ATAD2B: variants seen among roughly 807,000 people sequenced by gnomAD.
ATAD2B encodes ATPase family AAA domain containing 2B.
Under a neutral mutation model 167.6 loss-of-function variants are expected in ATAD2B, and 40 were observed. The ratio of observed to expected loss-of-function variants is 0.24; its 90% CI spans 0.19 to 0.31. The LOEUF (loss-of-function observed/expected upper bound fraction) is 0.31. Among genes scored for constraint, ATAD2B ranks in the 10% least tolerant of loss-of-function variants. ATAD2B has a pLI of 1.00. For synonymous variants in ATAD2B, 579 were observed against 596.5 expected, an observed-to-expected ratio of 0.97 and a Z score of 0.43; for missense variants, 1,242 against 1,757.2, an observed-to-expected ratio of 0.71 and a Z score of 5.24.
intron 14 of ATAD2B, among the ~76,000 whole-genome samples, 200 bp from the exon 15 acceptor site, chr2:23,829,139 A>G (rs1688669975): frequency 2.0e-5 from 2 of 101,438 alleles, no homozygotes; most frequent in South Asian, 8.3e-4. Context: ...GGAGATATGT[A>G]GTAGAGATCT....
intron 13 of ATAD2B, among the ~76,000 whole-genome samples, chr2:23,847,975 A>G (rs1480046541): frequency 2.0e-5 from 3 of 149,862 alleles, no homozygotes; most frequent in African/African-American, 7.4e-5. Flanking sequence ...CCTGGGCAAC[A>G]GAGTGAGACT....
chr2:23,694,544 G>T, the ATAD2B span, among the ~76,000 whole-genome samples: 1 of 152,338 alleles, frequency 6.6e-6, no homozygotes, highest in South Asian at 2.1e-4. Flanking sequence ...CGACTCCACA[G>T]GGGAAACTGT....
At chr2:23,761,963 G>C (rs1676797331) in intron 24 of ATAD2B, among the ~76,000 whole-genome samples, 1 of 152,046 alleles carries the variant, frequency 6.6e-6, no homozygotes, top group Admixed American at 6.6e-5. Flanking sequence ...GTTTAAAACT[G>C]AAAATATTCA....
At chr2:23,918,682 G>A (rs563333979) in intron 1 of ATAD2B, among the ~76,000 whole-genome samples, 18 of 152,178 alleles carry the variant, frequency 1.2e-4, no homozygotes, top group African/African-American at 4.3e-4. Flanking sequence ...TAAACAGTAG[G>A]TATACTTACA....
chr2:23,727,426 C>A, the ATAD2B span, among the ~76,000 whole-genome samples: 12 of 152,206 alleles, frequency 7.9e-5, no homozygotes, highest in African/African-American at 2.9e-4. Flanking sequence ...GCACTAACTG[C>A]TGACAAACTG....
At chr2:23,826,199 C>G (rs1317013635) in intron 15 of ATAD2B, among the ~76,000 whole-genome samples, 2 of 152,078 alleles carry the variant, frequency 1.3e-5, no homozygotes, top group East Asian at 3.9e-4. Flanking sequence ...AGAAGTGACT[C>G]TGATACACAC....
chr2:23,902,786 C>T (rs1700990359), intron 1 of ATAD2B, among the ~76,000 whole-genome samples: 1 of 152,092 alleles, frequency 6.6e-6, no homozygotes, highest in African/African-American at 2.4e-5. Flanking sequence ...CTACTTGAGG[C>T]CAAGCACAGT....
chr2:23,712,294 A>C, the ATAD2B span, among the ~76,000 whole-genome samples: 1 of 152,250 alleles, frequency 6.6e-6, no homozygotes, highest in East Asian at 1.9e-4. Context: ...AATGGGATAG[A>C]CATTCAGCTC....
the ATAD2B span, among the ~76,000 whole-genome samples, chr2:23,741,314 T>C: frequency 6.6e-6 from 1 of 152,164 alleles, no homozygotes; most frequent in Admixed American, 6.5e-5. Flanking sequence ...ACTACAAGGC[T>C]ACAGGAACCA....
At chr2:23,726,364 T>C in the ATAD2B span, among the ~76,000 whole-genome samples, 1 of 152,186 alleles carries the variant, frequency 6.6e-6, no homozygotes, top group Non-Finnish European at 1.5e-5. Context: ...ACATAAACAG[T>C]TGATTAATAT....
At chr2:23,926,408 G>GC (rs918181396) in intron 1 of ATAD2B, 147 bp downstream of exon 1, 1 of 1,381,286 alleles carries the variant, frequency 7.2e-7, no homozygotes, top group African/African-American at 1.5e-5. Flanking sequence ...TTCTCTGGGT[G>GC]CCACCCTCCA....
At position 23,754,701 on chromosome 2, in the gene ATAD2B, T is replaced by G; in HGVS notation, c.4152A>C (p.Pro1384=). The change falls in exon 26 of 28, where the codon CCA becomes CCC. Residue 1384 remains proline (P), a synonymous_variant. Coordinates refer to ENST00000238789, the MANE Select transcript of ATAD2B (RefSeq NM_017552.4). ...GAGGCACAGGCTCAGATGGCTCTTCTGGAACCAGTTCCAGGCTTGTCGTTT... is the reference window on the plus strand; with the variant it reads ...GAGGCACAGGCTCAGATGGCTCTTCGGGAACCAGTTCCAGGCTTGTCGTTT... ...QAKTTSLELV[P]EEPSEPVPPL... 6.2e-7 allele frequency: 1 copy of G among 1,613,264 alleles called. No homozygotes were observed. The highest frequency in any genetic ancestry group is 2.2e-5 in the East Asian group (1 of 44,852).
At chr2:23,765,411 A>G in intron 23 of ATAD2B, 95 bp downstream of exon 23, 1 of 1,035,940 alleles carries the variant, frequency 9.7e-7, no homozygotes, top group Non-Finnish European at 1.3e-6. Flanking sequence ...CATTACTTTC[A>G]TAATACCAGC....
chr2:23,706,642 A>G, the ATAD2B span: 1 of 1,531,966 alleles, frequency 6.5e-7, no homozygotes, highest in Non-Finnish European at 8.7e-7. Flanking sequence ...GTCGTGATAA[A>G]GAAATATATT....
the ATAD2B span, among the ~76,000 whole-genome samples, chr2:23,722,119 T>C: frequency 6.6e-6 from 1 of 152,164 alleles, no homozygotes. Flanking sequence ...CTATGAAACC[T>C]ACTCCATAAA....
chr2:23,737,232 G>A, the ATAD2B span, among the ~76,000 whole-genome samples: 28 of 152,302 alleles, frequency 1.8e-4, no homozygotes, highest in African/African-American at 6.7e-4. Context: ...TGAGATCTGA[G>A]AACGGGCAGA....
chr2:23,831,007 A>G (rs945849184), intron 14 of ATAD2B, among the ~76,000 whole-genome samples: 1 of 152,140 alleles, frequency 6.6e-6, no homozygotes, highest in Non-Finnish European at 1.5e-5. Context: ...TCCCTATATA[A>G]CCCAATCAAA....
chr2:23,845,760 T>C (rs899195391), intron 13 of ATAD2B, among the ~76,000 whole-genome samples: 9 of 151,116 alleles, frequency 6.0e-5, no homozygotes, highest in Non-Finnish European at 1.0e-4. Context: ...TTGTAGTTTT[T>C]GTAGAGACTG....
chr2:23,698,220 T>A, the ATAD2B span, among the ~76,000 whole-genome samples: 1 of 152,228 alleles, frequency 6.6e-6, no homozygotes, highest in African/African-American at 2.4e-5. Context: ...CCCCAAGAGA[T>A]GAAGGACAAA....
Sources: gnomAD v4.1 joint callset for allele counts (sites outside exome capture counted in the v4.1 genomes callset) on GRCh38, gnomAD v4.1.1 for gene constraint, MANE v1.5 for transcripts, NCBI Gene and HGNC (gene_info 2026-07-23, HGNC 2026-07-21) for gene names.